Variants in FGF14 observed in about 807,000 individuals in gnomAD.
FGF14 encodes the protein fibroblast growth factor homologous factor 4.
In FGF14, 5 loss-of-function variants were observed where a neutral mutation model predicts 25.5. The ratio of observed to expected loss-of-function variants is 0.20; its 90% CI spans 0.10 to 0.41. The LOEUF is 0.41. Among genes scored for constraint, FGF14 ranks in the 10% least tolerant of loss-of-function variants. The pLI, the probability that FGF14 is intolerant of heterozygous loss-of-function variation, is 1.00. For synonymous variants in FGF14, 138 were observed against 118.3 expected (o/e 1.17, Z -1.08); for missense variants, 222 against 320.1 (o/e 0.69, Z 2.34).
At chr13:102,122,545 T>C (rs1397434135) in intron 1 of FGF14, among the ~76,000 whole-genome samples, 4 of 152,200 alleles carry the variant, frequency 2.6e-5, no homozygotes, top group African/African-American at 9.6e-5. Flanking sequence ...TTAAAGCCAG[T>C]GAGTATCTTT....
chr13:101,942,588 A>C (rs1241351632), intron 1 of FGF14, among the ~76,000 whole-genome samples: 2 of 152,184 alleles, frequency 1.3e-5, no homozygotes, highest in East Asian at 3.9e-4. Context: ...CAATCAGTGA[A>C]AGAAACAAAC....
intron 1 of FGF14, among the ~76,000 whole-genome samples, chr13:102,199,048 C>T (rs1367728032): frequency 1.3e-5 from 2 of 152,140 alleles, no homozygotes; most frequent in African/African-American, 4.8e-5. Flanking sequence ...AAATCAGAAC[C>T]TGAAACACTA....
Position 101,850,550 on chromosome 13 carries a change from T to G in FGF14, c.408+18175A>C, listed in dbSNP as rs1429664794. On this transcript the variant is annotated intron_variant, in intron 3 of 4. Transcript: ENST00000376143. ...TTCTATATATATATATATATATATA[T>G]AGAATTATATATTCTATATATAGAA... Among the ~76,000 whole-genome samples, 6 of 82,342 alleles carry G rather than the reference T, an allele frequency of 7.3e-5. 1 individual carries two copies. Among genetic ancestry groups the G allele is most frequent in the African/African-American group, 2.5e-4 (6 of 23,872 alleles). 54.0% of individuals were successfully genotyped at this position (82,342 alleles called of 152,430 possible).
At chr13:101,879,748 G>A (rs1370168603) in intron 1 of FGF14, among the ~76,000 whole-genome samples, 1 of 114,770 alleles carries the variant, frequency 8.7e-6, no homozygotes. Context: ...TCTTCTATTA[G>A]CTATGGAAAA....
intron 1 of FGF14, among the ~76,000 whole-genome samples, chr13:102,158,437 A>G (rs1441694440): frequency 7.4e-5 from 11 of 149,086 alleles, no homozygotes; most frequent in African/African-American, 2.5e-4. Flanking sequence ...ACCAAACACC[A>G]TATGTTCTCA....
intron 1 of FGF14, among the ~76,000 whole-genome samples, chr13:102,065,411 A>C (rs1179088324): frequency 6.6e-6 from 1 of 152,142 alleles, no homozygotes; most frequent in Admixed American, 6.5e-5. Flanking sequence ...GTCTTTGAGT[A>C]TACAATGACA....
At chr13:102,023,927 G>A (rs1321512477) in intron 1 of FGF14, among the ~76,000 whole-genome samples, 2 of 151,990 alleles carry the variant, frequency 1.3e-5, no homozygotes, top group African/African-American at 4.8e-5. Context: ...GTTGAAGGGA[G>A]AATAGTTGTG....
intron 1 of FGF14, among the ~76,000 whole-genome samples, chr13:101,961,083 T>C (rs2036827528): frequency 1.3e-5 from 2 of 152,210 alleles, no homozygotes; most frequent in Non-Finnish European, 1.5e-5. Context: ...ATTCTGGATA[T>C]TAGACTTTTG....
chr13:101,757,713 T>C (rs1446722476), intron 3 of FGF14, among the ~76,000 whole-genome samples: 1 of 152,176 alleles, frequency 6.6e-6, no homozygotes, highest in East Asian at 1.9e-4. Flanking sequence ...AGCAAAATGA[T>C]TGATTTTGAA....
chr13:102,379,547 T>C (rs1377930985), intron 1 of FGF14, among the ~76,000 whole-genome samples: 1 of 151,674 alleles, frequency 6.6e-6, no homozygotes, highest in Non-Finnish European at 1.5e-5. Flanking sequence ...CAAACACACA[T>C]ATACACATCC....
intron 1 of FGF14, among the ~76,000 whole-genome samples, chr13:102,398,897 A>AATATATATATATATATAATATATAAT (rs35865466): frequency 6.8e-6 from 1 of 147,262 alleles, no homozygotes; most frequent in Non-Finnish European, 1.5e-5. Context: ...TATAATATAT[A>AATATATATATATATATAATATATAAT]ATATATATAT....
At chr13:101,809,101 T>C (rs1156545871) in intron 3 of FGF14, among the ~76,000 whole-genome samples, 1 of 152,074 alleles carries the variant, frequency 6.6e-6, no homozygotes, top group Non-Finnish European at 1.5e-5. Flanking sequence ...TTAATATGTG[T>C]CCTATATTAA....
intron 1 of FGF14, among the ~76,000 whole-genome samples, chr13:102,191,342 C>A (rs1323430502): frequency 6.6e-6 from 1 of 152,178 alleles, no homozygotes; most frequent in Non-Finnish European, 1.5e-5. Context: ...ATCATTTGAA[C>A]AACATAAATT....
chr13:102,336,113 T>C (rs2056781063), intron 1 of FGF14, among the ~76,000 whole-genome samples: 1 of 152,126 alleles, frequency 6.6e-6, no homozygotes, highest in African/African-American at 2.4e-5. Flanking sequence ...TGTCTCTCGC[T>C]TTAAATAAAA....
At chr13:102,135,353 C>T (rs1383704586) in intron 1 of FGF14, among the ~76,000 whole-genome samples, 1 of 152,136 alleles carries the variant, frequency 6.6e-6, no homozygotes, top group African/African-American at 2.4e-5. Context: ...GGTATCAAGT[C>T]AATTACGTGG....
intron 1 of FGF14, among the ~76,000 whole-genome samples, chr13:102,095,421 C>A (rs2044349411): frequency 6.6e-6 from 1 of 152,120 alleles, no homozygotes; most frequent in South Asian, 2.1e-4. Flanking sequence ...CTCTATGAGA[C>A]AGGAGGCCCA....
At chr13:102,393,614 A>G (rs559294955) in intron 1 of FGF14, 1 of 152,340 alleles carries the variant, frequency 6.6e-6, no homozygotes, top group South Asian at 2.1e-4. Flanking sequence ...CTGTCTAAGG[A>G]AAAGGTATCT....
intron 1 of FGF14, among the ~76,000 whole-genome samples, chr13:102,236,953 G>A (rs1038622763): frequency 9.9e-5 from 15 of 152,084 alleles, no homozygotes; most frequent in African/African-American, 3.4e-4. Context: ...CTGGAGTGCT[G>A]AGAGTTGGTT....
intron 1 of FGF14, among the ~76,000 whole-genome samples, chr13:101,925,135 T>G (rs777539336): frequency 6.6e-6 from 1 of 152,238 alleles, no homozygotes; most frequent in Admixed American, 6.5e-5. Context: ...ATTTTCTGAC[T>G]ATAAAAGTAC....
Sources: gnomAD v4.1 joint callset for allele counts (sites outside exome capture counted in the v4.1 genomes callset) on GRCh38, gnomAD v4.1.1 for gene constraint, MANE v1.5 for transcripts, NCBI Gene and HGNC (gene_info 2026-07-23, HGNC 2026-07-21) for gene names.